The following ASNS variants were observed in gnomAD, a reference collection of about 807,000 sequenced individuals.
ASNS encodes the protein asparagine synthetase (glutamine-hydrolyzing).
Under a neutral mutation model 62.6 loss-of-function variants are expected in ASNS, and 37 were observed. The ratio of observed to expected loss-of-function variants is 0.59; its 90% CI spans 0.45 to 0.78. The LOEUF is 0.78. Among genes scored for constraint, ASNS ranks in the 30% least tolerant of loss-of-function variants. The pLI is 0.00. For missense variants in ASNS, 520 were observed against 682.4 expected, an observed-to-expected ratio of 0.76 and a Z score of 2.65; for synonymous variants, 207 against 237.9, an observed-to-expected ratio of 0.87 and a Z score of 1.19.
chr7:97,920,678 T>C, the ASNS span, among the ~76,000 whole-genome samples: 1 of 152,314 alleles, frequency 6.6e-6, no homozygotes, highest in African/African-American at 2.4e-5. Flanking sequence ...GTCACCTCAG[T>C]GCAGTTGCCT....
chr7:97,868,620 T>C (rs1351184108), intron 3 of ASNS, among the ~76,000 whole-genome samples: 2 of 152,126 alleles, frequency 1.3e-5, no homozygotes, highest in Non-Finnish European at 2.9e-5. Flanking sequence ...TGTTCTTTAC[T>C]GTATGTTAGG....
intron 3 of ASNS, 97 bp from the exon 4 acceptor site, chr7:97,864,593 A>G: frequency 3.6e-6 from 3 of 837,320 alleles, no homozygotes; most frequent in Non-Finnish European, 5.9e-6. Flanking sequence ...GAGCTCTATA[A>G]TCCTTTCATG....
the ASNS span, among the ~76,000 whole-genome samples, chr7:97,885,407 G>C: frequency 1.3e-5 from 2 of 152,234 alleles, no homozygotes; most frequent in Non-Finnish European, 2.9e-5. Context: ...ATAAACTGGA[G>C]TGGAAGTGGT....
At chr7:97,915,858 G>A in the ASNS span, among the ~76,000 whole-genome samples, 3 of 152,188 alleles carry the variant, frequency 2.0e-5, no homozygotes, top group Non-Finnish European at 4.4e-5. Context: ...GCAAGAAATC[G>A]AGACCCTCTC....
At chr7:97,877,662 C>T in the ASNS span, among the ~76,000 whole-genome samples, 1 of 152,110 alleles carries the variant, frequency 6.6e-6, no homozygotes, top group Non-Finnish European at 1.5e-5. Flanking sequence ...CTAGAGCTGC[C>T]ACCTCCAAAG....
At chr7:97,868,199 T>C (rs1397988333) in intron 3 of ASNS, among the ~76,000 whole-genome samples, 2 of 152,062 alleles carry the variant, frequency 1.3e-5, no homozygotes, top group Non-Finnish European at 2.9e-5. Flanking sequence ...TCCCAGCTAC[T>C]TGGGAGGCTG....
At chr7:97,874,304 G>A (rs1792395135), upstream of ASNS, among the ~76,000 whole-genome samples, 1 of 152,168 alleles carries the variant, frequency 6.6e-6, no homozygotes, top group Admixed American at 6.5e-5. Flanking sequence ...CTTATTCCCT[G>A]AACAATTGCT....
At chr7:97,915,681 G>A in the ASNS span, among the ~76,000 whole-genome samples, 1 of 152,100 alleles carries the variant, frequency 6.6e-6, no homozygotes, top group African/African-American at 2.4e-5. Flanking sequence ...ATGAGACCGT[G>A]ACCAGGTGAA....
the ASNS span, among the ~76,000 whole-genome samples, chr7:97,909,625 A>G: frequency 6.6e-6 from 1 of 152,056 alleles, no homozygotes; most frequent in Non-Finnish European, 1.5e-5. Context: ...TTACACTTTT[A>G]CAGAAGATCT....
chr7:97,917,557 T>C, the ASNS span, among the ~76,000 whole-genome samples: 1 of 152,210 alleles, frequency 6.6e-6, no homozygotes, highest in South Asian at 2.1e-4. Context: ...CAGCCAGGCC[T>C]AGCTTCCAGT....
rs759132579 is a variant in ASNS at position 97,859,434 on chromosome 7, G to A, written c.488-36C>T. On this transcript the variant is annotated intron_variant, in intron 4 of 12. Transcript: ENST00000394308. ...ACAATGATACCTTTATTCAAATTAG[G>A]TAACCCTTCCCAATAACTTTCACGA... 2.0e-6 allele frequency: 3 copies of A among 1,531,946 alleles called. No homozygotes were observed. The South Asian group carries it at 3.9e-5, about 20-fold the overall frequency. 94.9% of individuals were successfully genotyped at this position (1,531,946 alleles called of 1,614,324 possible).
At chr7:97,881,223 T>C in the ASNS span, among the ~76,000 whole-genome samples, 2 of 152,358 alleles carry the variant, frequency 1.3e-5, no homozygotes, top group East Asian at 1.9e-4. Flanking sequence ...ATTACAGGCA[T>C]GAGCCATTGC....
chr7:97,887,875 T>G, the ASNS span, among the ~76,000 whole-genome samples: 1 of 152,264 alleles, frequency 6.6e-6, no homozygotes, highest in African/African-American at 2.4e-5. Context: ...GTTGCCTTTA[T>G]TTATAATGAA....
At chr7:97,891,284 C>G in the ASNS span, among the ~76,000 whole-genome samples, 7 of 152,204 alleles carry the variant, frequency 4.6e-5, no homozygotes, top group African/African-American at 1.7e-4. Flanking sequence ...TGGGAAAGAC[C>G]TGCCCCCATG....
At position 97,869,328 on chromosome 7, in the gene ASNS, C is replaced by T. The variant is rs11771498; in HGVS notation, c.-23-149G>A. On this transcript the variant is annotated intron_variant, in intron 2 of 12. Transcript: ENST00000394308. ...AGCGATTTCCCATTAGGTTGGCAGG[C>T]ACATGGGAGTAGAGAATGATTTAAT... 0.13 allele frequency: 116,815 copies of T among 879,320 alleles called. 9,248 individuals are homozygous for T. Among genetic ancestry groups the T allele is most frequent in the Admixed American group, 0.27 (9,448 of 34,442 alleles). 54.5% of individuals were successfully genotyped at this position (879,320 alleles called of 1,614,324 possible).
chr7:97,920,006 CCTGA>C, the ASNS span, among the ~76,000 whole-genome samples: 1 of 150,938 alleles, frequency 6.6e-6, no homozygotes, highest in Non-Finnish European at 1.5e-5. Context: ...CTCCTCTTGT[CCTGA>C]CTTTTTTTTT....
chr7:97,908,700 C>T, the ASNS span: 2 of 152,178 alleles, frequency 1.3e-5, no homozygotes, highest in Admixed American at 6.6e-5. Flanking sequence ...CAGCGCCCCG[C>T]CTTTTCTGTA....
the ASNS span, among the ~76,000 whole-genome samples, chr7:97,889,261 G>A: frequency 7.2e-5 from 11 of 152,336 alleles, no homozygotes; most frequent in Non-Finnish European, 1.5e-4. Context: ...GCTCACGCCT[G>A]TAATCCCAGC....
intron 1 of ASNS, 23 bp downstream of exon 1, chr7:97,872,328 A>AGGGCG (rs1562825989): frequency 5.2e-5 from 6 of 115,778 alleles, no homozygotes; most frequent in African/African-American, 7.1e-5. Context: ...GGCGCAGGGC[A>AGGGCG]CGGGGCGCAG....
Sources: gnomAD v4.1 joint callset for allele counts (sites outside exome capture counted in the v4.1 genomes callset) on GRCh38, gnomAD v4.1.1 for gene constraint, MANE v1.5 for transcripts, NCBI Gene and HGNC (gene_info 2026-07-23, HGNC 2026-07-21) for gene names.